The following SHANK1 variants were observed in gnomAD, a reference collection of about 807,000 sequenced individuals.
SHANK1 encodes the protein SH3 and multiple ankyrin repeat domains 1, also known as SH3 and multiple ankyrin repeat domains protein 1.
Under a neutral mutation model 165.6 loss-of-function variants are expected in SHANK1, and 35 were observed. That is an observed-to-expected ratio of 0.21 (90% CI 0.16 to 0.28). The LOEUF (loss-of-function observed/expected upper bound fraction) is 0.28. Ranked by LOEUF, SHANK1 falls within the 10% of genes least tolerant of loss-of-function variation. The probability of loss-of-function intolerance (pLI) is 1.00; values close to 1 mark genes in which losing one functional copy is unlikely to be tolerated. For missense variants in SHANK1, 2,681 were observed against 3,036.4 expected, an observed-to-expected ratio of 0.88 and a Z score of 2.75; for synonymous variants, 1,428 against 1,384.8, an observed-to-expected ratio of 1.03 and a Z score of -0.69.
chr19:50,695,538 CT>C (rs984324295), intron 15 of SHANK1, among the ~76,000 whole-genome samples: 2 of 151,714 alleles, frequency 1.3e-5, no homozygotes, highest in African/African-American at 4.8e-5. Flanking sequence ...CCCCTCCCCC[CT>C]CCAGAGCCCT....
At position 50,704,420 on chromosome 19, in the gene SHANK1, C is replaced by T; in HGVS notation, c.1155+17G>A. ...CTTAGCCCTGGAAACTCCAGCACAT[C>T]CCCTGCAGCCCCAGACCTGGAAGGG... On this transcript the variant is annotated intron_variant, in intron 9 of 23. Coordinates refer to ENST00000293441, the MANE Select transcript of SHANK1 (RefSeq NM_016148.5). 2 of 1,612,596 alleles carry T rather than the reference C, an allele frequency of 1.2e-6. No homozygotes were observed. Among genetic ancestry groups the T allele is most frequent in the Non-Finnish European group, 1.7e-6 (2 of 1,178,640 alleles).
At chr19:50,703,371 AG>A in intron 11 of SHANK1, 128 bp downstream of exon 11, 1 of 753,290 alleles carries the variant, frequency 1.3e-6, no homozygotes, top group Non-Finnish European at 2.1e-6. Flanking sequence ...CTTTACCCCA[AG>A]GTGACACTAG....
rs1453034865 is a variant in SHANK1 at position 50,718,259 on chromosome 19, C to T, written c.-44+1147G>A. 6.6e-6 allele frequency among the ~76,000 whole-genome samples: 1 copy of T among 152,004 alleles called. No homozygotes were observed. The highest frequency in any genetic ancestry group is 1.5e-5 in the Non-Finnish European group (1 of 67,936). ...CGCGGCAGCGCTGCGAAGCCCCCTC[C>T]CCCTCCAGGTACCCAGCCACGCCGC... On this transcript the variant is annotated intron_variant, in intron 1 of 23. Transcript: ENST00000293441. The surrounding 1 kb of genome is among the most constrained non-coding windows in gnomAD (Gnocchi z 5.1).
chr19:50,701,299 G>A (rs1039483971), intron 12 of SHANK1, among the ~76,000 whole-genome samples: 5 of 149,518 alleles, frequency 3.3e-5, no homozygotes, highest in African/African-American at 7.4e-5. Flanking sequence ...TTCCTGCCTC[G>A]GCCTCTCAAG....
chr19:50,683,788 C>T (rs780409687), intron 21 of SHANK1, among the ~76,000 whole-genome samples: 1 of 152,208 alleles, frequency 6.6e-6, no homozygotes, highest in African/African-American at 2.4e-5. Context: ...AGAATAACCA[C>T]AAAAGCCCTT....
intron 21 of SHANK1, among the ~76,000 whole-genome samples, chr19:50,683,161 A>AG (rs767034302): frequency 1.3e-5 from 2 of 152,136 alleles, no homozygotes; most frequent in Non-Finnish European, 2.9e-5. Context: ...AGAATGATAC[A>AG]GGGCAGTGGT....
intron 8 of SHANK1, among the ~76,000 whole-genome samples, chr19:50,710,243 A>G (rs1460563505): frequency 6.6e-6 from 1 of 152,182 alleles, no homozygotes; most frequent in Non-Finnish European, 1.5e-5. Context: ...TTTGACAAAC[A>G]CTGAGTCTTC....
chr19:50,686,613 G>A lies in SHANK1; in HGVS notation c.2458+131C>T. The A allele has an allele frequency of 1.2e-6, 1 of 857,572 alleles. No individual in the cohort carries two copies. Among genetic ancestry groups the A allele is most frequent in the Non-Finnish European group, 1.8e-6 (1 of 549,822 alleles). The allele number at this position is 857,572 out of a possible 1,614,324, so 53.1% of individuals were successfully genotyped here. ...CGTCGGGAGAGGGCGGGCGGAGGGA[G>A]GGGAGGTGGGATCGCAGCCTCTCTG... On this transcript the variant is annotated intron_variant, in intron 20 of 23. Coordinates refer to ENST00000293441, the MANE Select transcript of SHANK1 (RefSeq NM_016148.5). The surrounding 1 kb of genome is among the most constrained non-coding windows in gnomAD (Gnocchi z 5.7).
chr19:50,718,155 T>A lies in SHANK1; in HGVS notation c.-43-1193A>T, dbSNP rs2089090087. On this transcript the variant is annotated intron_variant, in intron 1 of 23. Transcript: ENST00000293441. The surrounding 1 kb of genome is among the most constrained non-coding windows in gnomAD (Gnocchi z 5.1). ...GGGGGTTGGGAAAGGGAAGACTAAA[T>A]GTGTGTGGTGGGAGGAGAGTTCCAG... 6.6e-6 allele frequency among the ~76,000 whole-genome samples: 1 copy of A among 151,942 alleles called. No homozygotes were observed. The highest frequency in any genetic ancestry group is 6.6e-5 in the Admixed American group (1 of 15,266).
rs747187204 is a variant in SHANK1 at position 50,689,295 on chromosome 19, G to A, written c.1965-16C>T. 8.6e-6 allele frequency: 12 copies of A among 1,390,560 alleles called. No individual in the cohort carries two copies. In the Admixed American group the frequency reaches 1.3e-4, roughly 16 times the overall value. The allele number at this position is 1,390,560 out of a possible 1,614,324, so 86.1% of individuals were successfully genotyped here. A position where few individuals can be genotyped will look rare whatever the true frequency, so the allele number is the denominator to read the frequency against. ...GATGTAATCGCTGGCAGGGAGGCAG[G>A]AGAAATGGGGGGGTGGTGGGGGGAG... is the stretch of plus-strand genomic sequence containing the variant. On this transcript the variant is annotated splice_polypyrimidine_tract_variant and intron_variant, in intron 15 of 23. Transcript: ENST00000293441.
In SHANK1 at chr19:50,662,652, G is replaced by A. The variant is rs964608366; in HGVS notation, c.5799C>T (p.Leu1933=). The part of the protein sequence containing the change: ...RLSDDSQSSL[L]SKPVSSLFQN... ...GAAACAGGCTGCTGACAGGCTTGGA[G>A]AGGAGTGAGGACTGGGAGTCGTCGG... Residue 1933 remains leucine, a synonymous_variant, in exon 24 of 24, where the codon CTC becomes CTT. Transcript: ENST00000293441. The surrounding 1 kb of genome is among the most constrained non-coding windows in gnomAD (Gnocchi z 7.7). 1.3e-6 allele frequency: 2 copies of A among 1,564,876 alleles called. No homozygotes were observed. Among genetic ancestry groups the A allele is most frequent in the African/African-American group, 2.7e-5 (2 of 73,556 alleles).
chr19:50,704,487 G>A lies in SHANK1; in HGVS notation c.1105C>T (p.Arg369Ter). Residue 369 changes from arginine (R) to a stop codon, truncating the protein, a stop_gained, in exon 9 of 24, where the codon CGA becomes TGA. Transcript: ENST00000293441. LOFTEE classifies it high-confidence loss of function. The part of the protein sequence containing the change: ...KETCARILLY[R>*]GADKDVKNNN... ...TTCTTCACATCCTTGTCGGCACCTC[G>A]ATACAGGAGGATCCTGGCACAGGTC... 1 of 1,614,068 alleles carries A rather than the reference G, an allele frequency of 6.2e-7. No individual in the cohort carries two copies. Among genetic ancestry groups the A allele is most frequent in the Non-Finnish European group, 8.5e-7 (1 of 1,180,008 alleles).
At chr19:50,674,954 C>T (rs889353969) in intron 21 of SHANK1, among the ~76,000 whole-genome samples, 5 of 149,870 alleles carry the variant, frequency 3.3e-5, no homozygotes, top group Non-Finnish European at 7.4e-5. Context: ...CCCAGCTATA[C>T]AGGAGGCTGA....
Position 50,688,944 on chromosome 19 carries a change from G to T in SHANK1, c.2072C>A (p.Thr691Asn), listed in dbSNP as rs1167964642. 7 of 1,554,180 alleles carry T rather than the reference G, an allele frequency of 4.5e-6. No homozygotes were observed. Among genetic ancestry groups the T allele is most frequent in the Non-Finnish European group, 6.1e-6 (7 of 1,147,882 alleles). ...CAGCGCCGGGAAGGCCGGGGTGGGG[G>T]TGAACTCCTCGATGGGGGTCTGCGC... is the stretch of plus-strand genomic sequence containing the variant. ...AKAQTPIEEFTPTPAFPALQY... is the reference protein window; with the variant it reads ...AKAQTPIEEFNPTPAFPALQY... The change falls in exon 17 of 24, where the codon ACC (threonine) becomes AAC (asparagine). Residue 691 changes from threonine to asparagine, a missense_variant. Physicochemically the swap from Thr to Asn is moderately conservative, Grantham distance 65. Around this residue, in one of 10 missense-constraint regions of SHANK1, gnomAD observed 147 missense variants for 256.5 expected, o/e 0.57. Transcript: ENST00000293441. This position sits in a 1 kb window ranked among gnomAD's most constrained non-coding sequence, Gnocchi z 6.7.
chr19:50,665,330 G>A (rs1423330103), intron 23 of SHANK1, among the ~76,000 whole-genome samples: 4 of 151,790 alleles, frequency 2.6e-5, no homozygotes, highest in South Asian at 2.1e-4. Context: ...TTGGGAGACC[G>A]AGGTGGGATG....
chr19:50,668,133 GC>G lies in SHANK1; in HGVS notation c.3826del (p.Ala1276ArgfsTer67). On this transcript the variant is annotated frameshift_variant, in exon 23 of 24. Transcript: ENST00000293441. LOFTEE classifies it high-confidence loss of function. Reference sequence around the variant, plus strand: ...GTGGCGCAGCCGCGGGCCCGGGGCCGCCCCTGTGCCCAGCCCGCCGTCCCCG... The same window carrying G: ...GTGGCGCAGCCGCGGGCCCGGGGCCGCCCTGTGCCCAGCCCGCCGTCCCCG... ...DGGDGGLGTG[A>X]APGPRLRHSK... 6.8e-7 allele frequency: 1 copy of G among 1,469,826 alleles called. No homozygotes were observed. Among genetic ancestry groups the G allele is most frequent in the South Asian group, 1.3e-5 (1 of 76,654 alleles). The allele number at this position is 1,469,826 out of a possible 1,614,324, so 91.0% of individuals were successfully genotyped here. A position where few individuals can be genotyped will look rare whatever the true frequency, so the allele number is the denominator to read the frequency against.
rs943777849 is a variant in SHANK1, at chr19:50,660,146, C to A, written c.*1819G>T. On this transcript the variant is annotated 3_prime_UTR_variant, in exon 24 of 24. Coordinates refer to ENST00000293441, the MANE Select transcript of SHANK1 (RefSeq NM_016148.5). ...GGGGGGGACCTGAGGGCAACGCCCT[C>A]CCCCCTTTACCCACAGCAGGGGAGG... Among the ~76,000 whole-genome samples the A allele has an allele frequency of 1.3e-5, 2 of 151,644 alleles. No homozygotes were observed. Among genetic ancestry groups the A allele is most frequent in the Non-Finnish European group, 2.9e-5 (2 of 67,820 alleles).
intron 8 of SHANK1, among the ~76,000 whole-genome samples, chr19:50,709,149 A>AT (rs1456857625): frequency 6.6e-6 from 1 of 151,992 alleles, no homozygotes; most frequent in African/African-American, 2.4e-5. Context: ...TTATTTATTT[A>AT]TTTTTTTGAG....
Position 50,661,994 on chromosome 19 carries a change from G to A in SHANK1, c.6457C>T (p.Arg2153Trp), listed in dbSNP as rs373108955. 2 of 1,614,096 alleles carry A rather than the reference G, an allele frequency of 1.2e-6. No individual in the cohort carries two copies. The highest frequency in any genetic ancestry group is 1.7e-6 in the Non-Finnish European group (2 of 1,180,030). The change falls in exon 24 of 24, where the codon CGG (arginine) becomes TGG (tryptophan). Residue 2153 changes from arginine to tryptophan, a missense_variant. Coordinates refer to ENST00000293441, the MANE Select transcript of SHANK1 (RefSeq NM_016148.5). ...TRVGHRMNID[R>W]ALKFFLER The stretch of plus-strand genomic sequence containing the variant: ...CTCTCCAGGAAGAATTTGAGAGCCC[G>A]GTCGATGTTCATGCGGTGGCCCACC...
Sources: allele counts gnomAD v4.1 joint callset (sites outside exome capture counted in the v4.1 genomes callset), GRCh38; gene constraint gnomAD v4.1.1; regional missense constraint gnomAD v4.1.1; non-coding constraint Gnocchi (gnomAD v3.1); transcripts MANE v1.5; gene names NCBI Gene and HGNC (gene_info 2026-07-23, HGNC 2026-07-21).